Variants in SPSB4 observed in about 807,000 individuals in gnomAD.
SPSB4 encodes splA/ryanodine receptor domain and SOCS box containing 4.
Under a neutral mutation model 20.9 loss-of-function variants are expected in SPSB4, and 21 were observed. The ratio of observed to expected loss-of-function variants is 1.01; its 90% CI spans 0.71 to 1.45. The LOEUF (loss-of-function observed/expected upper bound fraction) is 1.45. Ranked by LOEUF, SPSB4 falls within the 40% of genes most tolerant of loss-of-function variation. The pLI, the probability that SPSB4 is intolerant of heterozygous loss-of-function variation, is 0.00. For synonymous variants in SPSB4, 207 were observed against 183.8 expected (o/e 1.13, Z -1.02); for missense variants, 399 against 399.2 (o/e 1.00, Z 0.00).
At chr3:141,093,845 T>G (rs1278289484) in intron 2 of SPSB4, among the ~76,000 whole-genome samples, 2 of 152,184 alleles carry the variant, frequency 1.3e-5, no homozygotes, top group Non-Finnish European at 2.9e-5. Context: ...CGTGCCTTGC[T>G]GAACTCCAGC....
chr3:141,085,676 G>A (rs2107788888), intron 2 of SPSB4, among the ~76,000 whole-genome samples: 1 of 152,376 alleles, frequency 6.6e-6, no homozygotes, highest in South Asian at 2.1e-4. Flanking sequence ...CTAGAGCACT[G>A]TTCTGCAAAG....
At chr3:141,088,471 G>T (rs1382210625) in intron 2 of SPSB4, among the ~76,000 whole-genome samples, 3 of 152,210 alleles carry the variant, frequency 2.0e-5, no homozygotes, top group Non-Finnish European at 4.4e-5. Flanking sequence ...CTCTTGGGGT[G>T]CCCCCACCAC....
chr3:141,139,817 G>T (rs2107807644), intron 2 of SPSB4, among the ~76,000 whole-genome samples: 1 of 152,240 alleles, frequency 6.6e-6, no homozygotes, highest in East Asian at 1.9e-4. Context: ...ATGTGTCTTG[G>T]AGTTGCTCTT....
intron 2 of SPSB4, among the ~76,000 whole-genome samples, chr3:141,095,955 T>C (rs1054165134): frequency 1.3e-5 from 2 of 152,066 alleles, no homozygotes; most frequent in Admixed American, 6.5e-5. Flanking sequence ...AAAAACTCCC[T>C]TCTTCTGCCT....
intron 2 of SPSB4, among the ~76,000 whole-genome samples, chr3:141,074,620 T>G (rs75792442): frequency 0.13 from 19,331 of 152,022 alleles, 3,940 homozygotes; most frequent in African/African-American, 0.44. Flanking sequence ...GGTTTCCGGC[T>G]GCATGTCTTA....
intron 2 of SPSB4, among the ~76,000 whole-genome samples, chr3:141,099,917 A>G (rs1938591414): frequency 6.6e-6 from 1 of 152,336 alleles, no homozygotes; most frequent in Non-Finnish European, 1.5e-5. Flanking sequence ...ACCATCAGAC[A>G]CATGCCCTAG....
intron 2 of SPSB4, among the ~76,000 whole-genome samples, chr3:141,129,866 A>G (rs1395104235): frequency 6.6e-6 from 1 of 152,238 alleles, no homozygotes; most frequent in Non-Finnish European, 1.5e-5. Context: ...TCTGCACAAG[A>G]AGTAACTTGA....
At chr3:141,139,165 T>A (rs1198049404) in intron 2 of SPSB4, among the ~76,000 whole-genome samples, 1 of 152,168 alleles carries the variant, frequency 6.6e-6, no homozygotes, top group East Asian at 1.9e-4. Context: ...AACCCCTGCC[T>A]TTTTTTATTT....
intron 2 of SPSB4, among the ~76,000 whole-genome samples, chr3:141,068,200 C>T (rs542801521): frequency 1.3e-5 from 2 of 152,366 alleles, no homozygotes; most frequent in African/African-American, 4.8e-5. Flanking sequence ...GCTCAGCACT[C>T]TGGCATAATT....
At chr3:141,081,802 A>G (rs1413938783) in intron 2 of SPSB4, among the ~76,000 whole-genome samples, 1 of 152,174 alleles carries the variant, frequency 6.6e-6, no homozygotes, top group Non-Finnish European at 1.5e-5. Flanking sequence ...TGGAGATGAA[A>G]TAAAGCAAAA....
intron 2 of SPSB4, among the ~76,000 whole-genome samples, chr3:141,107,200 A>G (rs1325852157): frequency 6.6e-6 from 1 of 152,266 alleles, no homozygotes; most frequent in Non-Finnish European, 1.5e-5. Flanking sequence ...GTTTTACCTA[A>G]AGGGCAGGTG....
intron 1 of SPSB4, among the ~76,000 whole-genome samples, chr3:141,057,573 C>G (rs7639594): frequency 0.75 from 113,363 of 152,072 alleles, 44,055 homozygotes; most frequent in South Asian, 0.9. Context: ...TGATGAGGGA[C>G]ACCCGGCCCC....
At chr3:141,093,097 C>G (rs956552542) in intron 2 of SPSB4, among the ~76,000 whole-genome samples, 3 of 151,948 alleles carry the variant, frequency 2.0e-5, no homozygotes, top group Admixed American at 2.0e-4. Flanking sequence ...GTCAGGAGCC[C>G]TATACCTGGA....
chr3:141,061,816 A>G (rs2107776695), intron 1 of SPSB4, among the ~76,000 whole-genome samples: 1 of 148,190 alleles, frequency 6.7e-6, no homozygotes, highest in Non-Finnish European at 1.5e-5. Flanking sequence ...GCTTACTGCA[A>G]CCTCCACCTC....
chr3:141,084,466 A>G (rs1938305360), intron 2 of SPSB4, among the ~76,000 whole-genome samples: 1 of 152,196 alleles, frequency 6.6e-6, no homozygotes, highest in Non-Finnish European at 1.5e-5. Flanking sequence ...CTTAGCTTCC[A>G]ACAATGCTTG....
rs539827641 is a variant in SPSB4 at position 141,122,926 on chromosome 3, C to T, written c.695-24216C>T. 5.3e-4 allele frequency among the ~76,000 whole-genome samples: 81 copies of T among 152,326 alleles called. 1 individual carries two copies. Among genetic ancestry groups the T allele is most frequent in the South Asian group, 8.3e-4 (4 of 4,832 alleles). The stretch of plus-strand genomic sequence containing the variant: ...GTGAGGCGACGCCCCGTCCTGCTTC[C>T]GCTTGCCCTCCATGGGCTGCACGCA... On this transcript the variant is annotated intron_variant, in intron 2 of 2. Coordinates refer to ENST00000310546, the MANE Select transcript of SPSB4 (RefSeq NM_080862.3).
At chr3:141,137,045 A>G (rs1054362850) in intron 2 of SPSB4, among the ~76,000 whole-genome samples, 3 of 152,116 alleles carry the variant, frequency 2.0e-5, no homozygotes, top group African/African-American at 7.2e-5. Context: ...CTCCTTGAAG[A>G]GGTCCTTCAC....
intron 2 of SPSB4, among the ~76,000 whole-genome samples, chr3:141,099,448 G>C (rs1489411515): frequency 6.6e-6 from 1 of 152,110 alleles, no homozygotes; most frequent in Non-Finnish European, 1.5e-5. Context: ...TGTATAGATT[G>C]CTTATAAGTA....
intron 2 of SPSB4, among the ~76,000 whole-genome samples, chr3:141,098,564 G>A (rs1938575933): frequency 6.6e-6 from 1 of 151,970 alleles, no homozygotes; most frequent in South Asian, 2.1e-4. Context: ...ATCTTTCATT[G>A]TATTTCCTAA....
Sources: allele counts gnomAD v4.1 joint callset (sites outside exome capture counted in the v4.1 genomes callset), GRCh38; gene constraint gnomAD v4.1.1; transcripts MANE v1.5; gene names NCBI Gene and HGNC (gene_info 2026-07-23, HGNC 2026-07-21).